The following DIABLO variants were observed in gnomAD, a reference collection of about 807,000 sequenced individuals.
DIABLO encodes diablo homolog, mitochondrial.
A neutral mutation model predicts 31.7 loss-of-function variants in DIABLO; 32 were observed. The ratio of observed to expected loss-of-function variants is 1.01; its 90% confidence interval spans 0.76 to 1.35. The LOEUF (loss-of-function observed/expected upper bound fraction) is 1.35, where lower values mean the gene tolerates loss of function less well. DIABLO is among the 40% of genes most tolerant of loss of function. DIABLO has a pLI of 0.00. For synonymous variants in DIABLO, 132 were observed against 103.2 expected (o/e 1.28, Z -1.69); for missense variants, 316 against 286.4 (o/e 1.10, Z -0.75).
chr12:122,223,512 C>T (rs1183112160), intron 2 of DIABLO, among the ~76,000 whole-genome samples: 1 of 151,652 alleles, frequency 6.6e-6, no homozygotes, highest in Non-Finnish European at 1.5e-5. Context: ...CCACAAAATA[C>T]AAAGGACACA....
At chr12:122,208,631 C>T (rs1302871135) in intron 5 of DIABLO, 54 bp from the exon 6 acceptor site, 13 of 1,578,354 alleles carry the variant, frequency 8.2e-6, no homozygotes, top group South Asian at 4.5e-5. Context: ...GCGGAAGGCT[C>T]ATGTGGACGT....
intron 3 of DIABLO, chr12:122,217,606 C>T (rs1954244145): frequency 6.5e-6 from 1 of 154,896 alleles, no homozygotes; most frequent in Non-Finnish European, 1.4e-5. Flanking sequence ...TCTCAAACTC[C>T]TAGACTCAAG....
intron 5 of DIABLO, among the ~76,000 whole-genome samples, chr12:122,215,021 T>G (rs1305217403): frequency 6.6e-6 from 1 of 152,176 alleles, no homozygotes. Context: ...TAAGAACTAG[T>G]ACTAAGCTAT....
At chr12:122,220,669 C>CAAAAGA (rs1555244853) in intron 2 of DIABLO, 3 of 151,918 alleles carry the variant, frequency 2.0e-5, no homozygotes, top group Non-Finnish European at 4.4e-5. Context: ...CAAAACAAAA[C>CAAAAGA]AAAACAAAAA....
intron 5 of DIABLO, among the ~76,000 whole-genome samples, chr12:122,213,252 G>A (rs1387162555): frequency 6.6e-6 from 1 of 151,738 alleles, no homozygotes; most frequent in Non-Finnish European, 1.5e-5. Context: ...TCATAAGGCC[G>A]TGCACAGTGT....
intron 2 of DIABLO, 119 bp downstream of exon 2, chr12:122,224,393 T>G: frequency 1.4e-6 from 2 of 1,459,528 alleles, no homozygotes; most frequent in South Asian, 2.3e-5. Flanking sequence ...GCCGGTACTG[T>G]GGGGGAAGGG....
intron 5 of DIABLO, among the ~76,000 whole-genome samples, chr12:122,212,945 G>A (rs756941409): frequency 6.6e-6 from 1 of 151,820 alleles, no homozygotes; most frequent in East Asian, 1.9e-4. Context: ...TTTTAAGACA[G>A]GGTCTTGCTT....
chr12:122,214,362 A>G (rs1399158099), intron 5 of DIABLO, among the ~76,000 whole-genome samples: 1 of 152,086 alleles, frequency 6.6e-6, no homozygotes, highest in Non-Finnish European at 1.5e-5. Flanking sequence ...ATCATTTTTA[A>G]GATTTGATGA....
chr12:122,219,222 A>C (rs1014111340), intron 2 of DIABLO, among the ~76,000 whole-genome samples: 6 of 152,006 alleles, frequency 3.9e-5, no homozygotes, highest in Admixed American at 3.3e-4. Flanking sequence ...ACAGAGCGAG[A>C]CTACATCTCA....
rs925234262 is a variant in DIABLO at position 122,218,489 on chromosome 12, G to A, written c.184-92C>T. ...AAGCAAAAAACGTAATTGTCATGCT[G>A]CTTAGTGTTTTAGGCTGAAACTGCA... On this transcript the variant is annotated intron_variant, in intron 2 of 5. Coordinates refer to ENST00000464942, the MANE Select transcript of DIABLO (RefSeq NM_001371333.1). 5.1e-6 allele frequency: 8 copies of A among 1,553,756 alleles called. No homozygotes were observed. In the Admixed American group the frequency reaches 6.7e-5, roughly 13 times the overall value.
At chr12:122,224,445 T>C in intron 2 of DIABLO, 67 bp downstream of exon 2, 1 of 1,612,700 alleles carries the variant, frequency 6.2e-7, no homozygotes. Context: ...GTCTAATGCT[T>C]CACCGCCCAC....
At position 122,208,211 on chromosome 12, in the gene DIABLO, C is replaced by G. The variant is rs773100341; in HGVS notation, c.*170G>C. 1.4e-5 allele frequency: 11 copies of G among 784,856 alleles called. No individual in the cohort carries two copies. Among genetic ancestry groups the G allele is most frequent in the Middle Eastern group, 3.4e-4 (1 of 2,920 alleles). 48.6% of individuals were successfully genotyped at this position (784,856 alleles called of 1,614,324 possible). A position where few individuals can be genotyped will look rare whatever the true frequency, so the allele number is the denominator to read the frequency against. ...GCTAAGAACCAGGTCCAGCGCAAGCCTGAGACCACAGGAGGCACTCACAGC... is the reference window on the plus strand; with the variant it reads ...GCTAAGAACCAGGTCCAGCGCAAGCGTGAGACCACAGGAGGCACTCACAGC... On this transcript the variant is annotated 3_prime_UTR_variant, in exon 6 of 6. Transcript: ENST00000464942.
At chr12:122,220,182 G>C (rs1954304160) in intron 2 of DIABLO, among the ~76,000 whole-genome samples, 1 of 151,978 alleles carries the variant, frequency 6.6e-6, no homozygotes, top group Admixed American at 6.6e-5. Context: ...CTGACCTCAA[G>C]TGATACACAT....
At chr12:122,227,444 T>C (rs776456374), upstream of DIABLO, 4 of 454,060 alleles carry the variant, frequency 8.8e-6, no homozygotes, top group Non-Finnish European at 1.8e-5. Context: ...TATTCTGCGA[T>C]CTCGGCAGAA....
At chr12:122,209,872 CAATT>C (rs1214500041) in intron 5 of DIABLO, 6 of 697,006 alleles carry the variant, frequency 8.6e-6, no homozygotes, top group East Asian at 2.7e-5. Context: ...AAAGTCCACA[CAATT>C]AAGTAGGATT....
chr12:122,218,561 T>G, intron 2 of DIABLO, 164 bp from the exon 3 acceptor site: 1 of 792,158 alleles, frequency 1.3e-6, no homozygotes, highest in Non-Finnish European at 2.0e-6. Flanking sequence ...TTTGGCAATT[T>G]AAGACAATAT....
At chr12:122,210,682 A>G (rs748746088) in intron 5 of DIABLO, among the ~76,000 whole-genome samples, 3 of 152,028 alleles carry the variant, frequency 2.0e-5, no homozygotes, top group Non-Finnish European at 4.4e-5. Context: ...CCCAGGTGAT[A>G]TATCAACTTT....
chr12:122,225,954 C>A lies in DIABLO; in HGVS notation c.50+11G>T, dbSNP rs780965944. The A allele has an allele frequency of 1.9e-6, 3 of 1,588,632 alleles. No individual in the cohort carries two copies. Among genetic ancestry groups the A allele is most frequent in the South Asian group, 2.3e-5 (2 of 87,610 alleles). On this transcript the variant is annotated intron_variant, in intron 1 of 5. Coordinates refer to ENST00000464942, the MANE Select transcript of DIABLO (RefSeq NM_001371333.1). ...TCTGGTCCTGTCCCCTCTACGCGGC[C>A]GCAGCGGTACCTGAAGAATGAAGTT...
chr12:122,218,500 T>C (rs1385691694), intron 2 of DIABLO, 103 bp from the exon 3 acceptor site: 3 of 1,498,454 alleles, frequency 2.0e-6, no homozygotes, highest in Admixed American at 1.7e-5. Flanking sequence ...CTTAGTGTTT[T>C]AGGCTGAAAC....
Sources: gnomAD v4.1 joint callset for allele counts (sites outside exome capture counted in the v4.1 genomes callset) on GRCh38, gnomAD v4.1.1 for gene constraint, MANE v1.5 for transcripts, NCBI Gene and HGNC (gene_info 2026-07-23, HGNC 2026-07-21) for gene names.